Variants in SSBP2 observed in about 807,000 individuals in gnomAD.
The protein encoded by SSBP2 is single stranded DNA binding protein 2.
A neutral mutation model predicts 61.8 loss-of-function variants in SSBP2; 17 were observed. The ratio of observed to expected loss-of-function variants is 0.28; its 90% CI spans 0.19 to 0.41. The LOEUF is 0.41. Among genes scored for constraint, SSBP2 ranks in the 10% least tolerant of loss-of-function variants. The pLI is 1.00. For synonymous variants in SSBP2, 139 were observed against 141.3 expected, an observed-to-expected ratio of 0.98 and a Z score of 0.12; for missense variants, 310 against 458.7, an observed-to-expected ratio of 0.68 and a Z score of 2.96.
intron 6 of SSBP2, among the ~76,000 whole-genome samples, chr5:81,486,947 G>A (rs1273480166): frequency 6.6e-6 from 1 of 152,212 alleles, no homozygotes; most frequent in Admixed American, 6.6e-5. Context: ...ACTAGAAGCA[G>A]AGAGCACCAG....
intron 8 of SSBP2, among the ~76,000 whole-genome samples, chr5:81,472,621 G>A (rs1040467846): frequency 2.0e-5 from 3 of 151,666 alleles, no homozygotes; most frequent in African/African-American, 7.3e-5. Context: ...TTTTTGAGAC[G>A]GAGTTTTTGC....
intron 3 of SSBP2, 73 bp downstream of exon 3, chr5:81,636,484 T>C: frequency 1.7e-6 from 2 of 1,144,442 alleles, no homozygotes; most frequent in South Asian, 2.1e-5. Context: ...AAGCATGAAA[T>C]CATAAACAGG....
intron 4 of SSBP2, among the ~76,000 whole-genome samples, chr5:81,538,095 G>A (rs751845629): frequency 6.3e-4 from 96 of 152,242 alleles, no homozygotes; most frequent in Non-Finnish European, 9.1e-4. Context: ...AAGATAGGCC[G>A]AAAGCTAGTC....
intron 9 of SSBP2, among the ~76,000 whole-genome samples, chr5:81,465,209 G>T (rs1371140631): frequency 1.3e-5 from 2 of 151,910 alleles, no homozygotes; most frequent in Admixed American, 6.6e-5. Flanking sequence ...AGGCTTAAAG[G>T]TTCTTTACAA....
intron 10 of SSBP2, among the ~76,000 whole-genome samples, chr5:81,455,761 GT>G (rs1241036290): frequency 6.6e-6 from 1 of 151,438 alleles, no homozygotes; most frequent in Non-Finnish European, 1.5e-5. Flanking sequence ...GGATTAGAAA[GT>G]CAAACACAGA....
chr5:81,469,712 A>C (rs1765125205), intron 8 of SSBP2, among the ~76,000 whole-genome samples: 1 of 152,030 alleles, frequency 6.6e-6, no homozygotes, highest in Non-Finnish European at 1.5e-5. Context: ...AATGAATAAG[A>C]AATTTTTCAA....
intron 1 of SSBP2, among the ~76,000 whole-genome samples, chr5:81,731,791 CCAAA>C (rs1313699191): frequency 1.3e-5 from 2 of 150,972 alleles, no homozygotes; most frequent in African/African-American, 4.9e-5. Flanking sequence ...AAGATAAACC[CCAAA>C]CAGAATTGTC....
At chr5:81,703,014 T>C (rs1754098364) in intron 1 of SSBP2, among the ~76,000 whole-genome samples, 3 of 152,216 alleles carry the variant, frequency 2.0e-5, no homozygotes, top group Admixed American at 1.3e-4. Flanking sequence ...GTCATTTTAA[T>C]GAGGGATTTT....
intron 5 of SSBP2, 54 bp from the exon 6 acceptor site, chr5:81,489,363 T>C (rs2154052582): frequency 7.0e-7 from 1 of 1,429,360 alleles, no homozygotes; most frequent in Non-Finnish European, 9.5e-7. Context: ...CAATGTAAAA[T>C]ACATATCTGA....
intron 5 of SSBP2, among the ~76,000 whole-genome samples, chr5:81,500,295 C>T (rs922779614): frequency 6.6e-6 from 1 of 151,984 alleles, no homozygotes; most frequent in African/African-American, 2.4e-5. Flanking sequence ...CTCACTACAA[C>T]CTCCGCCTCC....
chr5:81,704,795 CAAAAAAAAAAAAA>C (rs34376110), intron 1 of SSBP2, among the ~76,000 whole-genome samples: 2 of 51,990 alleles, frequency 3.8e-5, no homozygotes, highest in East Asian at 1.1e-3. Flanking sequence ...GATTCCATCT[CAAAAAAAAAAAAA>C]AAAAAAAAAA....
intron 1 of SSBP2, among the ~76,000 whole-genome samples, chr5:81,689,593 A>G (rs1377161844): frequency 1.3e-5 from 2 of 152,092 alleles, no homozygotes; most frequent in East Asian, 3.9e-4. Context: ...AACTTCTAGA[A>G]TAATATATCC....
At position 81,466,961 on chromosome 5, in the gene SSBP2, TA is replaced by T; in HGVS notation, c.638+12del. On this transcript the variant is annotated intron_variant, in intron 9 of 16. Transcript: ENST00000320672. ...CCACGTAATAATGTAGTATATGATA[TA>T]ACATTGCTTACATGTTCATTCCAGG... The T allele has an allele frequency of 6.4e-7, 1 of 1,556,002 alleles. No individual in the cohort carries two copies. The highest frequency in any genetic ancestry group is 1.1e-5 in the South Asian group (1 of 88,366).
intron 4 of SSBP2, among the ~76,000 whole-genome samples, chr5:81,577,748 TA>T (rs1207410152): frequency 2.0e-5 from 3 of 151,998 alleles, no homozygotes; most frequent in African/African-American, 7.2e-5. Context: ...ATAGTAACCC[TA>T]TATTACATAA....
chr5:81,587,305 A>G (rs1775128806), intron 4 of SSBP2, among the ~76,000 whole-genome samples: 1 of 152,150 alleles, frequency 6.6e-6, no homozygotes, highest in African/African-American at 2.4e-5. Context: ...AAATTTTCTC[A>G]TTTATGATTA....
At chr5:81,424,432 C>CATAA (rs144602450) in intron 16 of SSBP2, among the ~76,000 whole-genome samples, 6,561 of 151,334 alleles carry the variant, frequency 0.043, 261 homozygotes, top group African/African-American at 0.11. Flanking sequence ...CTCAAAAATA[C>CATAA]ATAAATAAAT....
At chr5:81,689,354 T>G (rs766689586) in intron 1 of SSBP2, among the ~76,000 whole-genome samples, 5 of 152,096 alleles carry the variant, frequency 3.3e-5, no homozygotes, top group Non-Finnish European at 7.4e-5. Context: ...GGTATTAATA[T>G]TTAAGTACAA....
chr5:81,539,238 T>C (rs1488121788), intron 4 of SSBP2, among the ~76,000 whole-genome samples: 2 of 152,050 alleles, frequency 1.3e-5, no homozygotes, highest in Non-Finnish European at 2.9e-5. Flanking sequence ...TCACTGCAAA[T>C]GTAGTGGAAA....
chr5:81,582,772 T>G (rs905545886), intron 4 of SSBP2, among the ~76,000 whole-genome samples: 1 of 152,120 alleles, frequency 6.6e-6, no homozygotes, highest in Non-Finnish European at 1.5e-5. Context: ...TTTTGTATTT[T>G]TAGTAGAGAT....
Sources: allele counts gnomAD v4.1 joint callset (sites outside exome capture counted in the v4.1 genomes callset), GRCh38; gene constraint gnomAD v4.1.1; transcripts MANE v1.5; gene names NCBI Gene and HGNC (gene_info 2026-07-23, HGNC 2026-07-21).